ADGRF5: variants seen among roughly 807,000 people sequenced by gnomAD.
ADGRF5 encodes the protein G-protein coupled receptor 116.
ADGRF5 carries 75 observed loss-of-function variants against 132.3 expected under a neutral mutation model. The observed-to-expected ratio is 0.57, with a 90% CI of 0.47 to 0.69. The LOEUF is 0.69. ADGRF5 is among the 30% of genes least tolerant of loss of function. The pLI, the probability that ADGRF5 is intolerant of heterozygous loss-of-function variation, is 0.00. For missense variants in ADGRF5, 1,516 were observed against 1,630.6 expected, an observed-to-expected ratio of 0.93 and a Z score of 1.21; for synonymous variants, 629 against 597.6, an observed-to-expected ratio of 1.05 and a Z score of -0.77.
chr6:46,876,682 C>T (rs937973521), intron 10 of ADGRF5, among the ~76,000 whole-genome samples: 6 of 152,166 alleles, frequency 3.9e-5, no homozygotes, highest in African/African-American at 9.7e-5. Context: ...CTGCTCACTG[C>T]AACCTCGGCC....
intron 1 of ADGRF5, among the ~76,000 whole-genome samples, chr6:46,932,041 A>C (rs187557289): frequency 6.6e-6 from 1 of 152,366 alleles, no homozygotes; most frequent in Non-Finnish European, 1.5e-5. Context: ...AAATGCACAA[A>C]ACAGAATATA....
rs1303309608 is a variant in ADGRF5, at chr6:46,878,269, G to A, written c.1173C>T (p.Cys391=). ...MCDNNPVSLN[C]CSQGNVNWSK... ...TCCAATTAACATTACCCTGACTGCA[G>A]CAGTTCAAAGATACAGGATTGTTGT... Residue 391 remains cysteine, a synonymous_variant, in exon 10 of 21, where the codon TGC becomes TGT. Coordinates refer to ENST00000283296, the MANE Select transcript of ADGRF5 (RefSeq NM_001098518.2). The A allele has an allele frequency of 6.2e-7, 1 of 1,613,638 alleles. No homozygotes were observed. The highest frequency in any genetic ancestry group is 1.3e-5 in the African/African-American group (1 of 74,896).
At chr6:46,875,649 CACCT>C (rs1226876261) in intron 10 of ADGRF5, among the ~76,000 whole-genome samples, 1 of 152,030 alleles carries the variant, frequency 6.6e-6, no homozygotes, top group Middle Eastern at 3.2e-3. Flanking sequence ...TGGTGGCAGG[CACCT>C]ATAATCCCAG....
At chr6:46,913,792 C>T (rs555293305) in intron 1 of ADGRF5, among the ~76,000 whole-genome samples, 4 of 152,270 alleles carry the variant, frequency 2.6e-5, no homozygotes, top group East Asian at 1.9e-4. Flanking sequence ...TTCACGTCCA[C>T]GCAGTAGGTG....
upstream of ADGRF5, among the ~76,000 whole-genome samples, chr6:46,925,582 C>T (rs1190300404): frequency 1.3e-5 from 2 of 152,140 alleles, no homozygotes; most frequent in Non-Finnish European, 2.9e-5. Context: ...ATGGCGAAAC[C>T]CTGTCTCTAC....
intron 11 of ADGRF5, chr6:46,870,910 T>A (rs1452771295): frequency 1.7e-5 from 5 of 286,902 alleles, no homozygotes; most frequent in East Asian, 1.4e-4. Context: ...TATTTGAACA[T>A]AACACAACTC....
Position 46,900,156 on chromosome 6 carries a change from A to G in ADGRF5, c.103-73T>C, listed in dbSNP as rs991569697. 1.6e-5 allele frequency: 17 copies of G among 1,092,054 alleles called. No homozygotes were observed. The African/African-American group carries it at 2.7e-4, about 18-fold the overall frequency. 67.6% of individuals were successfully genotyped at this position (1,092,054 alleles called of 1,614,324 possible). A position where few individuals can be genotyped will look rare whatever the true frequency, so the allele number is the denominator to read the frequency against. On this transcript the variant is annotated intron_variant, in intron 2 of 20. Transcript: ENST00000283296. Reference sequence around the variant, plus strand: ...TTTCACTGTGGCTCCCCGCTTAGATACCCCTAAATGTTGGAGCTGAGCTTA... The same window carrying G: ...TTTCACTGTGGCTCCCCGCTTAGATGCCCCTAAATGTTGGAGCTGAGCTTA...
At chr6:46,863,295 T>C (rs749327173) in intron 14 of ADGRF5, 199 bp from the exon 15 acceptor site, 6 of 674,288 alleles carry the variant, frequency 8.9e-6, no homozygotes, top group Non-Finnish European at 1.6e-5. Context: ...TGAACCTGAC[T>C]TCTGTAATCG....
intron 3 of ADGRF5, among the ~76,000 whole-genome samples, chr6:46,899,438 C>G (rs943879585): frequency 3.3e-5 from 5 of 152,132 alleles, no homozygotes. Flanking sequence ...CGGCCCTGAC[C>G]TGACACCTGC....
chr6:46,870,254 T>C (rs377297682), intron 11 of ADGRF5, among the ~76,000 whole-genome samples: 5 of 152,106 alleles, frequency 3.3e-5, no homozygotes, highest in African/African-American at 1.2e-4. Flanking sequence ...CTGGGCTTAA[T>C]TGATCCTCAT....
chr6:46,916,631 T>C (rs2150917703), intron 1 of ADGRF5, among the ~76,000 whole-genome samples: 1 of 152,330 alleles, frequency 6.6e-6, no homozygotes, highest in African/African-American at 2.4e-5. Context: ...CCCTCGCTCC[T>C]TTCTTCCCTG....
At chr6:46,943,737 G>A (rs1778188789) in intron 1 of ADGRF5, among the ~76,000 whole-genome samples, 1 of 152,088 alleles carries the variant, frequency 6.6e-6, no homozygotes, top group Non-Finnish European at 1.5e-5. Context: ...AAAATTTGAG[G>A]CAGACTATGA....
chr6:46,859,390 G>A lies in ADGRF5; in HGVS notation c.2513C>T (p.Ser838Leu), dbSNP rs1002446969. Residue 838 changes from serine to leucine, a missense_variant, in exon 17 of 21, where the codon TCG becomes TTG. Physicochemically the swap from Ser to Leu is moderately radical, Grantham distance 145. This residue lies in a region of ADGRF5 where 571 missense variants were observed against 701.2 expected (regional missense o/e 0.81). Transcript: ENST00000283296. ...GAAGGACAAAGGAGGGCTATCTCCCGACTGTAATGCTTGGGAAAATCTTTC... is the reference window on the plus strand; with the variant it reads ...GAAGGACAAAGGAGGGCTATCTCCCAACTGTAATGCTTGGGAAAATCTTTC... Reference protein sequence around the residue: ...SVERFSQALQSGDSPPLSFSQ... With the variant: ...SVERFSQALQLGDSPPLSFSQ... The A allele has an allele frequency of 6.2e-7, 1 of 1,613,330 alleles. No individual in the cohort carries two copies. Among genetic ancestry groups the A allele is most frequent in the Non-Finnish European group, 8.5e-7 (1 of 1,179,316 alleles).
chr6:46,854,335 G>A (rs556390851), intron 20 of ADGRF5, among the ~76,000 whole-genome samples: 25 of 152,298 alleles, frequency 1.6e-4, no homozygotes, highest in African/African-American at 5.3e-4. Flanking sequence ...ACAGAGGACA[G>A]GAAGATCTCA....
intron 1 of ADGRF5, among the ~76,000 whole-genome samples, chr6:46,932,365 A>G (rs1406020131): frequency 1.3e-5 from 2 of 152,240 alleles, no homozygotes; most frequent in African/African-American, 2.4e-5. Context: ...TACTTTTAAA[A>G]TAAGTAATTA....
intron 1 of ADGRF5, chr6:46,954,688 C>T (rs1190388308): frequency 1.3e-5 from 2 of 152,176 alleles, no homozygotes. Context: ...CCAGAGCAGC[C>T]GGATTCACAT....
intron 1 of ADGRF5, among the ~76,000 whole-genome samples, chr6:46,919,563 C>A (rs576590662): frequency 2.6e-5 from 4 of 152,142 alleles, no homozygotes; most frequent in African/African-American, 9.7e-5. Context: ...TACCCCATAG[C>A]GCAGTAAGTG....
chr6:46,894,824 C>T (rs926271205), intron 3 of ADGRF5, among the ~76,000 whole-genome samples: 1 of 152,180 alleles, frequency 6.6e-6, no homozygotes, highest in Non-Finnish European at 1.5e-5. Context: ...AATAGTAATT[C>T]TGATTATCAT....
At chr6:46,951,121 AT>A (rs1370697105) in intron 1 of ADGRF5, among the ~76,000 whole-genome samples, 1 of 152,224 alleles carries the variant, frequency 6.6e-6, no homozygotes, top group Non-Finnish European at 1.5e-5. Flanking sequence ...ACGTGTGTTT[AT>A]TGACAGAGAT....
Sources: allele counts gnomAD v4.1 joint callset (sites outside exome capture counted in the v4.1 genomes callset), GRCh38; gene constraint gnomAD v4.1.1; regional missense constraint gnomAD v4.1.1; transcripts MANE v1.5; gene names NCBI Gene and HGNC (gene_info 2026-07-23, HGNC 2026-07-21).